The following CNST variants were observed in gnomAD, a reference collection of about 807,000 sequenced individuals.
The protein encoded by CNST is consortin.
Under a neutral mutation model 72.4 loss-of-function variants are expected in CNST, and 39 were observed. That is an observed-to-expected ratio of 0.54 (90% CI 0.42 to 0.70). The LOEUF (loss-of-function observed/expected upper bound fraction) is 0.70. Among genes scored for constraint, CNST ranks in the 30% least tolerant of loss-of-function variants. The pLI is 0.00. For synonymous variants in CNST, 332 were observed against 320.1 expected, an observed-to-expected ratio of 1.04 and a Z score of -0.40; for missense variants, 871 against 868.5, an observed-to-expected ratio of 1.00 and a Z score of -0.04.
At chr1:246,586,109 A>ATGTG (rs371447612) in intron 1 of CNST, among the ~76,000 whole-genome samples, 23,520 of 121,386 alleles carry the variant, frequency 0.19, 2,540 homozygotes, top group Middle Eastern at 0.3. Flanking sequence ...ATATATATAT[A>ATGTG]TATGTGTGTG....
At chr1:246,606,712 TC>T (rs746213613) in intron 2 of CNST, 2 of 151,794 alleles carry the variant, frequency 1.3e-5, no homozygotes, top group Non-Finnish European at 2.9e-5. Flanking sequence ...CCACTCGTCC[TC>T]TCACGGTCTT....
intron 9 of CNST, among the ~76,000 whole-genome samples, chr1:246,651,875 C>T (rs1666466459): frequency 2.0e-5 from 3 of 152,102 alleles, no homozygotes; most frequent in Non-Finnish European, 1.5e-5. Flanking sequence ...TGTCAGACAA[C>T]ACATTGGAAA....
Position 246,668,528 on chromosome 1 carries a change from A to T in CNST, c.*2623A>T, listed in dbSNP as rs1393364958. The T allele has an allele frequency of 6.6e-6, 1 of 152,230 alleles. No homozygotes were observed. The highest frequency in any genetic ancestry group is 1.5e-5 in the Non-Finnish European group (1 of 68,038). The allele number at this position is 152,230 out of a possible 1,614,324, so 9.4% of individuals were successfully genotyped here. On this transcript the variant is annotated 3_prime_UTR_variant, in exon 11 of 11. Transcript: ENST00000366513. ...TCCCCCATCTGCTGACAGTAGCTGA[A>T]GATTATTCTAAACATTCATTCTTTT...
At chr1:246,603,399 G>C (rs952219754) in intron 2 of CNST, among the ~76,000 whole-genome samples, 1 of 152,032 alleles carries the variant, frequency 6.6e-6, no homozygotes, top group Non-Finnish European at 1.5e-5. Flanking sequence ...ACTGGATCAC[G>C]ATCTCTACAA....
intron 1 of CNST, among the ~76,000 whole-genome samples, chr1:246,582,091 T>C (rs1392803427): frequency 6.6e-6 from 1 of 152,222 alleles, no homozygotes; most frequent in Non-Finnish European, 1.5e-5. Context: ...GTACTCCTTA[T>C]ATTTAGCAAG....
At chr1:246,585,867 G>A (rs1162042166) in intron 1 of CNST, among the ~76,000 whole-genome samples, 1 of 151,558 alleles carries the variant, frequency 6.6e-6, no homozygotes. Context: ...ATCACTTGAG[G>A]CCAAGAGTTT....
At chr1:246,604,947 G>A (rs1010691187) in intron 2 of CNST, among the ~76,000 whole-genome samples, 12 of 152,166 alleles carry the variant, frequency 7.9e-5, no homozygotes, top group Admixed American at 7.2e-4. Context: ...GATTACAGGC[G>A]TGAGCCACCG....
chr1:246,571,621 G>T (rs1660078263), intron 1 of CNST, among the ~76,000 whole-genome samples: 1 of 152,200 alleles, frequency 6.6e-6, no homozygotes, highest in South Asian at 2.1e-4. Context: ...GACAAATCAA[G>T]ATGATTTTTC....
In CNST at chr1:246,660,463, C is replaced by T; in HGVS notation, c.1972+129C>T. The T allele has an allele frequency of 4.3e-6, 4 of 941,020 alleles. No individual in the cohort carries two copies. In the South Asian group the frequency reaches 5.1e-5, roughly 12 times the overall value. 58.3% of individuals were successfully genotyped at this position (941,020 alleles called of 1,614,324 possible). ...TATGTCCGCCAGGCACGGTGGCTCA[C>T]ACCTGTAATCCCAGCACTTTAGGAG... On this transcript the variant is annotated intron_variant, in intron 10 of 10. Coordinates refer to ENST00000366513, the MANE Select transcript of CNST (RefSeq NM_152609.3).
chr1:246,604,508 A>G (rs923514413), intron 2 of CNST, among the ~76,000 whole-genome samples: 2 of 152,128 alleles, frequency 1.3e-5, no homozygotes, highest in African/African-American at 4.8e-5. Flanking sequence ...TGCAAAGAGA[A>G]TCTCTGATGT....
At chr1:246,664,614 GA>G (rs1297505974) in intron 10 of CNST, among the ~76,000 whole-genome samples, 1 of 151,860 alleles carries the variant, frequency 6.6e-6, no homozygotes, top group Non-Finnish European at 1.5e-5. Context: ...TTTTAGTAGA[GA>G]CGGGGTTTCA....
chr1:246,655,100 T>C (rs2103153535), intron 9 of CNST, among the ~76,000 whole-genome samples: 1 of 152,342 alleles, frequency 6.6e-6, no homozygotes, highest in South Asian at 2.1e-4. Context: ...CTTGACATTC[T>C]CATTTCTTTT....
At chr1:246,639,034 C>T (rs1295986987) in intron 6 of CNST, among the ~76,000 whole-genome samples, 2 of 152,138 alleles carry the variant, frequency 1.3e-5, no homozygotes, top group Admixed American at 6.5e-5. Context: ...TAGTTTTAGG[C>T]TTCCAAGGGT....
In CNST at chr1:246,589,410, C is replaced by T. The variant is rs201605947; in HGVS notation, c.-51-2102C>T. ...ATAGTTTGCTGAGAATGATGGTTTC[C>T]AGCTTCATCCATGTCCCTACAAAGG... On this transcript the variant is annotated intron_variant, in intron 1 of 10. Coordinates refer to ENST00000366513, the MANE Select transcript of CNST (RefSeq NM_152609.3). Among the ~76,000 whole-genome samples the T allele has an allele frequency of 3.9e-3, 594 of 152,014 alleles. 4 individuals carry two copies. The East Asian group carries it at 0.041, about 10-fold the overall frequency.
chr1:246,659,519 C>CAGA (rs1558599840), intron 9 of CNST, among the ~76,000 whole-genome samples: 1 of 151,738 alleles, frequency 6.6e-6, no homozygotes, highest in African/African-American at 2.4e-5. Context: ...GGCATGAACC[C>CAGA]GGGAGGCGGA....
intron 6 of CNST, among the ~76,000 whole-genome samples, chr1:246,638,987 T>TA (rs1047135648): frequency 1.3e-5 from 2 of 152,028 alleles, no homozygotes; most frequent in Admixed American, 6.6e-5. Context: ...TCTTTGATGT[T>TA]ATGGGTTGAA....
rs1407263971 is a variant in CNST at position 246,666,605 on chromosome 1, A to G, written c.*700A>G. ...GAATTCTAGAACTCTTGACCCTGCA[A>G]TGAGAAACTGTGACAGATCTGTGTC... is the stretch of plus-strand genomic sequence containing the variant. On this transcript the variant is annotated 3_prime_UTR_variant, in exon 11 of 11. Transcript: ENST00000366513. The G allele has an allele frequency of 2.6e-5, 4 of 152,352 alleles. No individual in the cohort carries two copies. The highest frequency in any genetic ancestry group is 2.1e-4 in the South Asian group (1 of 4,826). 9.4% of individuals were successfully genotyped at this position (152,352 alleles called of 1,614,324 possible). A position where few individuals can be genotyped will look rare whatever the true frequency, so the allele number is the denominator to read the frequency against.
In CNST at chr1:246,659,438, C is replaced by CA. The variant is rs567802228; in HGVS notation, c.1837-754dup. On this transcript the variant is annotated intron_variant, in intron 9 of 10. Coordinates refer to ENST00000366513, the MANE Select transcript of CNST (RefSeq NM_152609.3). The stretch of plus-strand genomic sequence containing the variant: ...TGAAACCCCGTCTCTACTGAAAATA[C>CA]AAAAAAATTAGCCGAGCATGGTGGC... Among the ~76,000 whole-genome samples, 759 of 152,152 alleles carry CA rather than the reference C, an allele frequency of 5.0e-3. 4 individuals are homozygous for CA. The highest frequency in any genetic ancestry group is 8.5e-3 in the Non-Finnish European group (578 of 67,984).
intron 2 of CNST, among the ~76,000 whole-genome samples, chr1:246,598,384 T>C (rs1662031849): frequency 6.6e-6 from 1 of 152,148 alleles, no homozygotes; most frequent in South Asian, 2.1e-4. Flanking sequence ...CTTTTGTCAG[T>C]ACTTTTTTTT....
Sources: gnomAD v4.1 joint callset for allele counts (sites outside exome capture counted in the v4.1 genomes callset) on GRCh38, gnomAD v4.1.1 for gene constraint, MANE v1.5 for transcripts, NCBI Gene and HGNC (gene_info 2026-07-23, HGNC 2026-07-21) for gene names.